The following VAC14 variants were observed in gnomAD, a reference collection of about 807,000 sequenced individuals.
VAC14 encodes the protein VAC14 component of PIKFYVE complex.
VAC14 carries 47 observed loss-of-function variants against 85.3 expected under a neutral mutation model. The observed-to-expected ratio is 0.55, with a 90% CI of 0.44 to 0.70. The LOEUF (loss-of-function observed/expected upper bound fraction) is 0.70. Among genes scored for constraint, VAC14 ranks in the 30% least tolerant of loss-of-function variants. The pLI is 0.00. For synonymous variants in VAC14, 447 were observed against 430.5 expected, an observed-to-expected ratio of 1.04 and a Z score of -0.47; for missense variants, 861 against 1,004.3, an observed-to-expected ratio of 0.86 and a Z score of 1.93.
At chr16:70,758,368 C>T (rs961317559) in intron 12 of VAC14, among the ~76,000 whole-genome samples, 1 of 152,192 alleles carries the variant, frequency 6.6e-6, no homozygotes, top group Non-Finnish European at 1.5e-5. Context: ...CCAGGGTCCC[C>T]GGTAAGGAAG....
intron 10 of VAC14, among the ~76,000 whole-genome samples, chr16:70,764,130 C>T (rs776558191): frequency 3.3e-5 from 5 of 152,348 alleles, no homozygotes; most frequent in East Asian, 1.9e-4. Context: ...TTTCCTCACT[C>T]GCCTGCAGCC....
chr16:70,791,577 G>T (rs1054504323), intron 1 of VAC14, among the ~76,000 whole-genome samples: 1 of 152,102 alleles, frequency 6.6e-6, no homozygotes, highest in African/African-American at 2.4e-5. Flanking sequence ...GTAGAGACGG[G>T]GTTTCACCAT....
chr16:70,739,123 G>A (rs1466019093), intron 13 of VAC14, among the ~76,000 whole-genome samples: 1 of 152,238 alleles, frequency 6.6e-6, no homozygotes, highest in African/African-American at 2.4e-5. Context: ...CCATGTGGGA[G>A]CTCACAGAGC....
At chr16:70,761,196 G>A (rs1403027561) in intron 12 of VAC14, 2 of 455,700 alleles carry the variant, frequency 4.4e-6, no homozygotes, top group African/African-American at 2.0e-5. Context: ...ACAGCTGCCC[G>A]GGCCCCCCAC....
intron 14 of VAC14, among the ~76,000 whole-genome samples, chr16:70,721,845 C>T (rs1236128847): frequency 2.6e-5 from 4 of 152,252 alleles, no homozygotes; most frequent in East Asian, 1.9e-4. Flanking sequence ...TCCTCTGGGC[C>T]TGTGTGATGG....
At chr16:70,756,059 G>A (rs1054540886) in intron 12 of VAC14, 6 of 456,806 alleles carry the variant, frequency 1.3e-5, no homozygotes, top group South Asian at 4.6e-5. Context: ...ACCTGACCAC[G>A]GTGACAAGGA....
rs769080139 is a variant in VAC14, at chr16:70,786,277, G to A, written c.193C>T (p.His65Tyr). The A allele has an allele frequency of 3.4e-5, 55 of 1,614,112 alleles. No individual in the cohort carries two copies. The highest frequency in any genetic ancestry group is 4.6e-5 in the Non-Finnish European group (54 of 1,180,042). ...AGGCCCCCTTTCCGGCTGTGGGGGTGCTGAGACAGGGCAAACTCCTGGGAC... is the reference window on the plus strand; with the variant it reads ...AGGCCCCCTTTCCGGCTGTGGGGGTACTGAGACAGGGCAAACTCCTGGGAC... ...TLSQEFALSQ[H>Y]PHSRKGGLIG... Residue 65 changes from histidine (H) to tyrosine (Y), a missense_variant, in exon 2 of 19, where the codon CAC (histidine) becomes TAC (tyrosine). Coordinates refer to ENST00000261776, the MANE Select transcript of VAC14 (RefSeq NM_018052.5).
intron 1 of VAC14, among the ~76,000 whole-genome samples, chr16:70,790,437 G>A (rs547658238): frequency 6.6e-6 from 1 of 152,346 alleles, no homozygotes; most frequent in Middle Eastern, 3.4e-3. Flanking sequence ...CTTGGCAAAG[G>A]CACTGGCATT....
At chr16:70,704,954 C>T (rs1344340797) in intron 14 of VAC14, among the ~76,000 whole-genome samples, 1 of 152,228 alleles carries the variant, frequency 6.6e-6, no homozygotes, top group African/African-American at 2.4e-5. Flanking sequence ...TGTCCCTGCA[C>T]CCTCTGAAAA....
At chr16:70,763,186 G>A (rs2032546611) in intron 10 of VAC14, among the ~76,000 whole-genome samples, 161 bp from the exon 11 acceptor site, 1 of 152,186 alleles carries the variant, frequency 6.6e-6, no homozygotes, top group African/African-American at 2.4e-5. Flanking sequence ...ACACATCCTT[G>A]CTGGTCTCCC....
At chr16:70,698,496 C>T (rs954622250) in intron 15 of VAC14, 141 bp downstream of exon 15, 18 of 1,025,706 alleles carry the variant, frequency 1.8e-5, no homozygotes, top group Non-Finnish European at 2.5e-5. Flanking sequence ...CCCTATTTCC[C>T]AGTGGACCAG....
intron 9 of VAC14, chr16:70,778,296 A>C (rs1356792559): frequency 6.6e-6 from 1 of 152,102 alleles, no homozygotes; most frequent in Non-Finnish European, 1.5e-5. Context: ...GCTGGTAGGG[A>C]TGTTTTTAGT....
At chr16:70,746,729 C>G (rs2030924236) in intron 12 of VAC14, among the ~76,000 whole-genome samples, 1 of 152,204 alleles carries the variant, frequency 6.6e-6, no homozygotes, top group African/African-American at 2.4e-5. Context: ...AGTGGCACAG[C>G]AATGAATGAC....
intron 9 of VAC14, 168 bp from the exon 10 acceptor site, chr16:70,772,340 C>T (rs2033280496): frequency 1.7e-6 from 1 of 593,328 alleles, no homozygotes. Context: ...AACGCCCAGT[C>T]ATTCTCGATA....
intron 15 of VAC14, among the ~76,000 whole-genome samples, chr16:70,697,897 G>C (rs1427443790): frequency 1.3e-5 from 2 of 152,174 alleles, no homozygotes; most frequent in Non-Finnish European, 2.9e-5. Context: ...GTGTAAGCAG[G>C]GTCTGAGCCG....
intron 12 of VAC14, among the ~76,000 whole-genome samples, chr16:70,751,791 G>A (rs1383603413): frequency 1.3e-5 from 2 of 152,224 alleles, no homozygotes; most frequent in East Asian, 1.9e-4. Context: ...AGCTGGCACC[G>A]GGGCCAGAGG....
At chr16:70,781,008 G>C in intron 8 of VAC14, 69 bp from the exon 9 acceptor site, 1 of 1,588,316 alleles carries the variant, frequency 6.3e-7, no homozygotes, top group Middle Eastern at 1.7e-4. Flanking sequence ...TTGCTGAAAT[G>C]TGATTCCCAG....
chr16:70,741,943 G>A (rs923243543), intron 13 of VAC14, among the ~76,000 whole-genome samples: 2 of 152,154 alleles, frequency 1.3e-5, no homozygotes, highest in Admixed American at 6.5e-5. Context: ...AGGGACCCCC[G>A]GGTCAGGTTC....
chr16:70,779,155 TCA>T (rs1372131968), intron 9 of VAC14: 1 of 152,242 alleles, frequency 6.6e-6, no homozygotes, highest in African/African-American at 2.4e-5. Flanking sequence ...TTGCTCTGAT[TCA>T]CAGTGGTGAT....
Sources: allele counts gnomAD v4.1 joint callset (sites outside exome capture counted in the v4.1 genomes callset), GRCh38; gene constraint gnomAD v4.1.1; transcripts MANE v1.5; gene names NCBI Gene and HGNC (gene_info 2026-07-23, HGNC 2026-07-21).